CREB5: variants seen among roughly 807,000 people sequenced by gnomAD.
CREB5 encodes cAMP responsive element binding protein 5, also known as cyclic AMP-responsive element-binding protein 5.
A neutral mutation model predicts 57.1 loss-of-function variants in CREB5; 19 were observed. The observed-to-expected ratio is 0.33, with a 90% CI of 0.23 to 0.49. The LOEUF (loss-of-function observed/expected upper bound fraction) is 0.49, where lower values mean the gene tolerates loss of function less well. CREB5 is among the 20% of genes least tolerant of loss of function. CREB5 has a pLI of 0.99. For synonymous variants in CREB5, 238 were observed against 238.3 expected (o/e 1.00, Z 0.01); for missense variants, 579 against 671.6 (o/e 0.86, Z 1.52).
At chr7:28,326,894 G>A (rs1419308935) in intron 1 of CREB5, among the ~76,000 whole-genome samples, 1 of 152,096 alleles carries the variant, frequency 6.6e-6, no homozygotes, top group African/African-American at 2.4e-5. Flanking sequence ...TGTAATCCCA[G>A]CACTTTGGCA....
intron 1 of CREB5, among the ~76,000 whole-genome samples, chr7:28,482,929 C>T (rs1285312538): frequency 6.6e-6 from 1 of 152,224 alleles, no homozygotes; most frequent in African/African-American, 2.4e-5. Context: ...TTCCATATCA[C>T]TGTATGAGTC....
intron 7 of CREB5, among the ~76,000 whole-genome samples, chr7:28,781,330 A>T (rs1806958921): frequency 6.6e-6 from 1 of 152,232 alleles, no homozygotes; most frequent in South Asian, 2.1e-4. Flanking sequence ...TCTTGCTTGC[A>T]CAGAGCTATT....
intron 7 of CREB5, among the ~76,000 whole-genome samples, chr7:28,730,226 CAGACT>C (rs1440397439): frequency 6.6e-6 from 1 of 152,082 alleles, no homozygotes; most frequent in Non-Finnish European, 1.5e-5. Context: ...CTCTATCAAC[CAGACT>C]AAAGTGCAGT....
chr7:28,410,388 C>G (rs1448722609), upstream of CREB5: 1 of 456,638 alleles, frequency 2.2e-6, no homozygotes, highest in African/African-American at 2.0e-5. Context: ...GCGGCGGAGT[C>G]TCCCCCTGCG....
intron 1 of CREB5, among the ~76,000 whole-genome samples, chr7:28,334,730 T>A (rs1329938462): frequency 6.6e-6 from 1 of 152,210 alleles, no homozygotes; most frequent in Non-Finnish European, 1.5e-5. Flanking sequence ...TTGTCCATGT[T>A]TGCTTTGGTT....
intron 1 of CREB5, among the ~76,000 whole-genome samples, chr7:28,418,585 CT>C (rs1453043959): frequency 6.6e-6 from 1 of 152,202 alleles, no homozygotes; most frequent in African/African-American, 2.4e-5. Flanking sequence ...ACCATATCGC[CT>C]TTAAAGCATG....
chr7:28,581,602 C>T (rs995817734), intron 5 of CREB5, among the ~76,000 whole-genome samples: 1 of 152,174 alleles, frequency 6.6e-6, no homozygotes, highest in Non-Finnish European at 1.5e-5. Flanking sequence ...TTGTTTGTAG[C>T]TCAAGTGGTT....
rs1809902070 is a variant in CREB5, at chr7:28,823,552, G to T, written c.*4273G>T. 6.6e-6 allele frequency: 1 copy of T among 152,468 alleles called. No homozygotes were observed. The highest frequency in any genetic ancestry group is 2.1e-4 in the South Asian group (1 of 4,824). The allele number at this position is 152,468 out of a possible 1,614,324, so 9.4% of individuals were successfully genotyped here. A position where few individuals can be genotyped will look rare whatever the true frequency, so the allele number is the denominator to read the frequency against. Reference sequence around the variant, plus strand: ...TTCAAGGATTTTTATTGCTCTGTGAGTTATTTTTTAATCAACATTCTGAAC... The same window carrying T: ...TTCAAGGATTTTTATTGCTCTGTGATTTATTTTTTAATCAACATTCTGAAC... On this transcript the variant is annotated 3_prime_UTR_variant, in exon 11 of 11. Transcript: ENST00000357727.
At chr7:28,356,541 G>A (rs1422807918) in intron 1 of CREB5, among the ~76,000 whole-genome samples, 4 of 152,174 alleles carry the variant, frequency 2.6e-5, no homozygotes, top group Non-Finnish European at 4.4e-5. Context: ...TAGGCTTTTG[G>A]GGGCGAACGT....
chr7:28,534,517 A>G (rs1562780566), intron 4 of CREB5, among the ~76,000 whole-genome samples: 1 of 152,198 alleles, frequency 6.6e-6, no homozygotes, highest in Non-Finnish European at 1.5e-5. Context: ...CAGAGTTATT[A>G]CTGAGCAAGA....
chr7:28,369,634 C>T (rs1453068143), intron 1 of CREB5, among the ~76,000 whole-genome samples: 1 of 152,154 alleles, frequency 6.6e-6, no homozygotes, highest in Non-Finnish European at 1.5e-5. Context: ...ATCCGATTCC[C>T]CTGAGATTCC....
At chr7:28,808,797 G>C (rs1174295362) in intron 8 of CREB5, among the ~76,000 whole-genome samples, 1 of 134,900 alleles carries the variant, frequency 7.4e-6, no homozygotes, top group Non-Finnish European at 1.5e-5. Context: ...CTGGCCTCAA[G>C]TGATCCTCCC....
intron 5 of CREB5, among the ~76,000 whole-genome samples, chr7:28,711,740 C>A (rs934353320): frequency 6.6e-6 from 1 of 152,122 alleles, no homozygotes; most frequent in Non-Finnish European, 1.5e-5. Flanking sequence ...GTTCATTTGC[C>A]TCTGTAGAAG....
At chr7:28,667,196 C>T (rs10245004) in intron 5 of CREB5, among the ~76,000 whole-genome samples, 39,112 of 151,104 alleles carry the variant, frequency 0.26, 5,169 homozygotes, top group Middle Eastern at 0.36. Flanking sequence ...CTGGGTGGGG[C>T]TGTTGAATCC....
chr7:28,746,500 T>G (rs1209169500), intron 7 of CREB5, among the ~76,000 whole-genome samples: 1 of 152,178 alleles, frequency 6.6e-6, no homozygotes, highest in Non-Finnish European at 1.5e-5. Flanking sequence ...TTTAATAAGA[T>G]TCTCAGGTAG....
intron 4 of CREB5, among the ~76,000 whole-genome samples, chr7:28,545,462 A>G (rs1383934241): frequency 1.3e-5 from 2 of 152,180 alleles, no homozygotes; most frequent in Non-Finnish European, 1.5e-5. Context: ...TAGTTATTAC[A>G]TTAGCCTATA....
chr7:28,375,485 C>T (rs2127994785), intron 1 of CREB5, among the ~76,000 whole-genome samples: 1 of 151,880 alleles, frequency 6.6e-6, no homozygotes, highest in African/African-American at 2.4e-5. Context: ...TTTAATTGTA[C>T]ATTTTAAAAT....
At chr7:28,549,164 CT>C (rs1794527633) in intron 4 of CREB5, among the ~76,000 whole-genome samples, 2 of 152,138 alleles carry the variant, frequency 1.3e-5, no homozygotes, top group Non-Finnish European at 2.9e-5. Context: ...ATGATGTTGG[CT>C]TTTAACAGCA....
At chr7:28,738,407 T>C (rs1804154464) in intron 7 of CREB5, among the ~76,000 whole-genome samples, 1 of 152,174 alleles carries the variant, frequency 6.6e-6, no homozygotes. Context: ...GAGGACATGG[T>C]TCAGTAGGCT....
Sources: gnomAD v4.1 joint callset for allele counts (sites outside exome capture counted in the v4.1 genomes callset) on GRCh38, gnomAD v4.1.1 for gene constraint, MANE v1.5 for transcripts, NCBI Gene and HGNC (gene_info 2026-07-23, HGNC 2026-07-21) for gene names.